Variants in EMC3 observed in about 807,000 individuals in gnomAD.
EMC3 encodes 30 kDa protein.
Under a neutral mutation model 36.6 loss-of-function variants are expected in EMC3, and 13 were observed. The ratio of observed to expected loss-of-function variants is 0.35; its 90% CI spans 0.23 to 0.56. The LOEUF is 0.56. Ranked by LOEUF, EMC3 falls within the 20% of genes least tolerant of loss-of-function variation. The pLI is 0.84. For missense variants in EMC3, 220 were observed against 324.5 expected (o/e 0.68, Z 2.47); for synonymous variants, 120 against 111.9 (o/e 1.07, Z -0.46).
chr3:10,001,367 C>G (rs2086197324), intron 1 of EMC3, among the ~76,000 whole-genome samples: 1 of 147,940 alleles, frequency 6.8e-6, no homozygotes, highest in Admixed American at 6.9e-5. Flanking sequence ...CGAGACCATC[C>G]TGGCTAACAC....
chr3:9,963,450 G>GATATATATATATATATATATAT lies in EMC3; in HGVS notation c.*618_*619insATATATATATATATATATATAT, dbSNP rs1448350735. The GATATATATATATATATATATAT allele has an allele frequency of 1.3e-5, 1 of 77,650 alleles. No individual in the cohort carries two copies. The highest frequency in any genetic ancestry group is 6.8e-5 in the African/African-American group (1 of 14,600). 4.8% of individuals were successfully genotyped at this position (77,650 alleles called of 1,614,324 possible). A position where few individuals can be genotyped will look rare whatever the true frequency, so the allele number is the denominator to read the frequency against. On this transcript the variant is annotated 3_prime_UTR_variant, in exon 8 of 8. Transcript: ENST00000245046. The stretch of plus-strand genomic sequence containing the variant: ...CCTTCGAAGACTGGGCTTCTGCTAA[G>GATATATATATATATATATATAT]ATAGATATATATATATATATATATA...
intron 1 of EMC3, among the ~76,000 whole-genome samples, chr3:9,997,509 G>T (rs1193765453): frequency 6.6e-6 from 1 of 152,102 alleles, no homozygotes; most frequent in African/African-American, 2.4e-5. Flanking sequence ...CCCCACGCTG[G>T]AGCGCAGTGG....
chr3:9,977,595 A>G, intron 1 of EMC3, 149 bp from the exon 2 acceptor site: 1 of 606,894 alleles, frequency 1.6e-6, no homozygotes, highest in Non-Finnish European at 2.8e-6. Flanking sequence ...AAGTATCTTT[A>G]AAACCAACGT....
At chr3:9,981,733 C>A (rs1361239716) in intron 1 of EMC3, 4 of 440,480 alleles carry the variant, frequency 9.1e-6, no homozygotes, top group Admixed American at 2.5e-5. Context: ...TTGCACCAGG[C>A]CTGAAAGATA....
intron 1 of EMC3, among the ~76,000 whole-genome samples, chr3:9,978,936 C>G (rs751668750): frequency 6.6e-6 from 1 of 152,188 alleles, no homozygotes; most frequent in Non-Finnish European, 1.5e-5. Context: ...CCGGGGTTTC[C>G]CCTGTCACAC....
intron 1 of EMC3, among the ~76,000 whole-genome samples, chr3:10,009,310 C>T (rs1478219817): frequency 1.3e-5 from 2 of 152,134 alleles, no homozygotes; most frequent in African/African-American, 2.4e-5. Flanking sequence ...TGTCCCCTTT[C>T]CCCCCAGACC....
intron 1 of EMC3, among the ~76,000 whole-genome samples, chr3:9,979,918 A>C (rs1340701178): frequency 6.6e-6 from 1 of 152,182 alleles, no homozygotes; most frequent in Non-Finnish European, 1.5e-5. Flanking sequence ...AAAAGGCCAC[A>C]TGACTGGAAA....
At chr3:10,005,441 G>T (rs1400446117) in intron 1 of EMC3, among the ~76,000 whole-genome samples, 2 of 152,102 alleles carry the variant, frequency 1.3e-5, no homozygotes, top group Non-Finnish European at 2.9e-5. Flanking sequence ...ACCCGCCAGG[G>T]ACATACAAAG....
chr3:9,976,958 A>C lies in EMC3; in HGVS notation c.306T>G (p.Thr102=), dbSNP rs1244934113. 1.2e-6 allele frequency: 2 copies of C among 1,607,518 alleles called. No individual in the cohort carries two copies. Among genetic ancestry groups the C allele is most frequent in the Non-Finnish European group, 1.7e-6 (2 of 1,176,438 alleles). The part of the protein sequence containing the change: ...KRKVVPPSPM[T]DPTMLTDMMK... The stretch of plus-strand genomic sequence containing the variant: ...GATGAGTGAAGGGAACAAACATACC[A>C]GTCATAGGAGAAGGTGGCACTACCT... The change falls in exon 3 of 8, where the codon ACT becomes ACG. Residue 102 remains threonine, a splice_region_variant and synonymous_variant. Transcript: ENST00000245046.
chr3:9,972,462 G>GAAAA (rs34891720), intron 5 of EMC3, among the ~76,000 whole-genome samples: 1 of 90,728 alleles, frequency 1.1e-5, no homozygotes. Flanking sequence ...GAGTTTCAAT[G>GAAAA]AAAAAAAAAA....
rs869250660 is a variant in EMC3 at position 9,978,859 on chromosome 3, CA to C, written c.156-1414del. 8.6e-5 allele frequency among the ~76,000 whole-genome samples: 13 copies of C among 151,788 alleles called. No individual in the cohort carries two copies. The East Asian group carries it at 1.9e-3, about 23-fold the overall frequency. ...CAACAACAAAAAACAAACAAACAAA[CA>C]AAAAAACTGTGCTTGGCTTCCTGTC... On this transcript the variant is annotated intron_variant, in intron 1 of 7. Coordinates refer to ENST00000245046, the MANE Select transcript of EMC3 (RefSeq NM_001394674.1).
intron 1 of EMC3, among the ~76,000 whole-genome samples, chr3:9,996,320 C>G (rs1575697173): frequency 6.6e-6 from 1 of 152,100 alleles, no homozygotes; most frequent in Non-Finnish European, 1.5e-5. Flanking sequence ...TGGCACACAC[C>G]TGTAATCCTA....
At chr3:9,994,126 A>G (rs938676697) in intron 1 of EMC3, 35 of 1,526,444 alleles carry the variant, frequency 2.3e-5, no homozygotes, top group Non-Finnish European at 3.0e-5. Context: ...AGGATAAGCA[A>G]CTCTTAGGTT....
intron 1 of EMC3, among the ~76,000 whole-genome samples, chr3:9,980,102 C>T (rs181088062): frequency 6.6e-6 from 1 of 151,790 alleles, no homozygotes; most frequent in East Asian, 1.9e-4. Context: ...CAACCTCTGC[C>T]TCACGAGTTC....
At chr3:9,968,123 C>T (rs1193684273) in intron 7 of EMC3, among the ~76,000 whole-genome samples, 5 of 152,128 alleles carry the variant, frequency 3.3e-5, no homozygotes, top group African/African-American at 1.2e-4. Context: ...CGTTTCGCCA[C>T]GTTGGCCAGG....
chr3:9,997,206 C>T (rs1408646166), intron 1 of EMC3, among the ~76,000 whole-genome samples: 1 of 151,726 alleles, frequency 6.6e-6, no homozygotes, highest in Non-Finnish European at 1.5e-5. Context: ...GCTTATTTCA[C>T]TTAGCATATT....
At chr3:9,965,574 G>A (rs564628387) in intron 7 of EMC3, among the ~76,000 whole-genome samples, 1 of 152,060 alleles carries the variant, frequency 6.6e-6, no homozygotes, top group Admixed American at 6.6e-5. Context: ...GTGATTTTTA[G>A]TATATTCATA....
intron 1 of EMC3, chr3:9,994,038 T>G (rs2086091287): frequency 8.8e-7 from 1 of 1,130,178 alleles, no homozygotes; most frequent in Non-Finnish European, 1.3e-6. Flanking sequence ...TGAAGGATTA[T>G]TCTGTGTAAA....
At chr3:9,971,380 TA>T (rs1446243678) in intron 5 of EMC3, among the ~76,000 whole-genome samples, 3 of 152,158 alleles carry the variant, frequency 2.0e-5, no homozygotes, top group Non-Finnish European at 2.9e-5. Flanking sequence ...TGCTTGCATA[TA>T]ATAAAAACTA....
Sources: allele counts gnomAD v4.1 joint callset (sites outside exome capture counted in the v4.1 genomes callset), GRCh38; gene constraint gnomAD v4.1.1; transcripts MANE v1.5; gene names NCBI Gene and HGNC (gene_info 2026-07-23, HGNC 2026-07-21).